The following RBFOX1 variants were observed in gnomAD, a reference collection of about 807,000 sequenced individuals.
RBFOX1 encodes the protein RNA binding protein fox-1 homolog 1.
RBFOX1 carries 8 observed loss-of-function variants against 57.7 expected under a neutral mutation model. The observed-to-expected ratio is 0.14, with a 90% confidence interval of 0.08 to 0.25. RBFOX1 has a LOEUF of 0.25. Ranked by LOEUF, RBFOX1 falls within the 10% of genes least tolerant of loss-of-function variation. RBFOX1 has a pLI of 1.00. For synonymous variants in RBFOX1, 326 were observed against 222.4 expected (o/e 1.47, Z -4.15); for missense variants, 611 against 548.5 (o/e 1.11, Z -1.14).
chr16:5,765,284 A>G (rs910748381), intron 3 of RBFOX1, among the ~76,000 whole-genome samples: 5 of 152,194 alleles, frequency 3.3e-5, no homozygotes, highest in Non-Finnish European at 7.3e-5. Flanking sequence ...GCACTCCCCC[A>G]GTCTAAGACA....
chr16:6,196,567 C>G (rs1055127106), intron 1 of RBFOX1, among the ~76,000 whole-genome samples: 1 of 152,042 alleles, frequency 6.6e-6, no homozygotes, highest in Non-Finnish European at 1.5e-5. Flanking sequence ...AATCCACCCC[C>G]CAAATGTGAA....
intron 3 of RBFOX1, among the ~76,000 whole-genome samples, chr16:6,867,153 T>C (rs1276752564): frequency 6.6e-6 from 1 of 152,222 alleles, no homozygotes; most frequent in African/African-American, 2.4e-5. Flanking sequence ...ATGTACTAAG[T>C]GCAGAAGTTT....
intron 1 of RBFOX1, among the ~76,000 whole-genome samples, chr16:5,333,632 G>A (rs1007539609): frequency 2.0e-5 from 3 of 152,142 alleles, no homozygotes; most frequent in Non-Finnish European, 2.9e-5. Context: ...GCATAATGAC[G>A]GGGACGTGTT....
At chr16:7,198,123 A>G (rs2087265587) in intron 4 of RBFOX1, among the ~76,000 whole-genome samples, 1 of 146,482 alleles carries the variant, frequency 6.8e-6, no homozygotes, top group Non-Finnish European at 1.5e-5. Context: ...CTCCTGCCTC[A>G]GCCTCCCAAG....
At chr16:6,611,254 C>G (rs1276133978) in intron 2 of RBFOX1, among the ~76,000 whole-genome samples, 1 of 152,186 alleles carries the variant, frequency 6.6e-6, no homozygotes. Context: ...TCAAGCAATT[C>G]TCCTGCCTCA....
intron 4 of RBFOX1, among the ~76,000 whole-genome samples, chr16:7,226,163 G>C (rs4786983): frequency 0.73 from 110,312 of 151,928 alleles, 40,627 homozygotes; most frequent in East Asian, 0.96. Flanking sequence ...ATCATGAAAG[G>C]TAACATCCCA....
At chr16:6,140,115 A>C (rs941919681) in intron 1 of RBFOX1, among the ~76,000 whole-genome samples, 1 of 151,990 alleles carries the variant, frequency 6.6e-6, no homozygotes, top group African/African-American at 2.4e-5. Context: ...AAGTCTTCTT[A>C]CACCATCTTT....
At chr16:7,139,594 T>G (rs979456129) in intron 4 of RBFOX1, among the ~76,000 whole-genome samples, 1 of 152,092 alleles carries the variant, frequency 6.6e-6, no homozygotes, top group Non-Finnish European at 1.5e-5. Flanking sequence ...ACTACTACTT[T>G]TATCAGCAAT....
chr16:5,733,548 G>A (rs1240622500), intron 3 of RBFOX1, among the ~76,000 whole-genome samples: 1 of 152,124 alleles, frequency 6.6e-6, no homozygotes, highest in African/African-American at 2.4e-5. Context: ...CAGGTCAGCT[G>A]GGCAAACTCA....
chr16:5,659,668 G>A (rs548373152), intron 3 of RBFOX1, among the ~76,000 whole-genome samples: 1 of 152,124 alleles, frequency 6.6e-6, no homozygotes, highest in Non-Finnish European at 1.5e-5. Flanking sequence ...TAGGATTCAG[G>A]GAGTCTGAAA....
intron 4 of RBFOX1, among the ~76,000 whole-genome samples, chr16:5,879,710 C>T (rs542549712): frequency 6.6e-6 from 1 of 152,304 alleles, no homozygotes; most frequent in Admixed American, 6.5e-5. Context: ...TCTCAATGGC[C>T]TACCCAAAGA....
chr16:7,101,217 A>T (rs1240789522), intron 4 of RBFOX1, among the ~76,000 whole-genome samples: 1 of 152,200 alleles, frequency 6.6e-6, no homozygotes, highest in Non-Finnish European at 1.5e-5. Context: ...TTTTGTGACT[A>T]GGAATTTATT....
chr16:6,772,199 C>G (rs904432580), intron 3 of RBFOX1, among the ~76,000 whole-genome samples: 1 of 152,014 alleles, frequency 6.6e-6, no homozygotes, highest in African/African-American at 2.4e-5. Flanking sequence ...GACTGTGAGC[C>G]TCCCAAGTAG....
chr16:5,687,322 C>G (rs545958473), intron 3 of RBFOX1, among the ~76,000 whole-genome samples: 1 of 152,240 alleles, frequency 6.6e-6, no homozygotes, highest in East Asian at 1.9e-4. Flanking sequence ...CCGAGAGAGA[C>G]AAAGGTGTGT....
At chr16:6,006,787 T>C (rs1175588408) in intron 4 of RBFOX1, among the ~76,000 whole-genome samples, 2 of 152,158 alleles carry the variant, frequency 1.3e-5, no homozygotes, top group African/African-American at 2.4e-5. Context: ...CAAGAGGCGA[T>C]AAGATACAAT....
rs111862112 is a variant in RBFOX1 at position 6,945,791 on chromosome 16, C to T, written c.-15-106266C>T. On this transcript the variant is annotated intron_variant, in intron 3 of 15. Transcript: ENST00000550418. ...CTGTAATCCCAGCTACTTCGGAGGCCGAGACGGGAGAATCGCCTGAACCCA... is the reference window on the plus strand; with the variant it reads ...CTGTAATCCCAGCTACTTCGGAGGCTGAGACGGGAGAATCGCCTGAACCCA... 1.2e-4 allele frequency among the ~76,000 whole-genome samples: 19 copies of T among 152,136 alleles called. No individual in the cohort carries two copies. The East Asian group carries it at 1.7e-3, about 14-fold the overall frequency.
chr16:5,439,470 G>T (rs1225606750), intron 1 of RBFOX1, among the ~76,000 whole-genome samples: 3 of 152,106 alleles, frequency 2.0e-5, no homozygotes, highest in Non-Finnish European at 4.4e-5. Context: ...AATGGGAAAT[G>T]AGAGAGGTTT....
chr16:7,292,535 C>T (rs535532668), intron 4 of RBFOX1, among the ~76,000 whole-genome samples: 1 of 141,660 alleles, frequency 7.1e-6, no homozygotes, highest in African/African-American at 2.6e-5. Flanking sequence ...TATGTATACA[C>T]ACACACACAC....
At chr16:7,439,042 C>T (rs1211283386) in intron 4 of RBFOX1, among the ~76,000 whole-genome samples, 1 of 152,144 alleles carries the variant, frequency 6.6e-6, no homozygotes, top group Admixed American at 6.5e-5. Flanking sequence ...AACCACCGCA[C>T]TTTGTTTTGT....
Sources: allele counts gnomAD v4.1 joint callset (sites outside exome capture counted in the v4.1 genomes callset), GRCh38; gene constraint gnomAD v4.1.1; transcripts MANE v1.5; gene names NCBI Gene and HGNC (gene_info 2026-07-23, HGNC 2026-07-21).